Variants in SASH1 observed in about 807,000 individuals in gnomAD.
The protein encoded by SASH1 is SAM and SH3 domain containing 1, also known as SAM and SH3 domain-containing protein 1.
SASH1 carries 44 observed loss-of-function variants against 125.2 expected under a neutral mutation model. That is an observed-to-expected ratio of 0.35 (90% CI 0.28 to 0.45). The LOEUF (loss-of-function observed/expected upper bound fraction) is 0.45, where lower values mean the gene tolerates loss of function less well. Among genes scored for constraint, SASH1 ranks in the 20% least tolerant of loss-of-function variants. The pLI, the probability that SASH1 is intolerant of heterozygous loss-of-function variation, is 1.00. For synonymous variants in SASH1, 639 were observed against 649.1 expected, an observed-to-expected ratio of 0.98 and a Z score of 0.24; for missense variants, 1,426 against 1,614.5, an observed-to-expected ratio of 0.88 and a Z score of 2.00.
chr6:148,227,830 A>C, the SASH1 span, among the ~76,000 whole-genome samples: 2 of 152,132 alleles, frequency 1.3e-5, no homozygotes, highest in Non-Finnish European at 2.9e-5. Context: ...CACAATAGTT[A>C]TTGTCCACTC....
In SASH1 at chr6:148,391,112, CT is replaced by C. The variant is rs1394140807; in HGVS notation, c.285+864del. Among the ~76,000 whole-genome samples the C allele has an allele frequency of 2.0e-3, 290 of 143,254 alleles. 1 individual carries two copies. Among genetic ancestry groups the C allele is most frequent in the Middle Eastern group, 3.6e-3 (1 of 274 alleles). The allele number at this position is 143,254 out of a possible 152,430, so 94.0% of individuals were successfully genotyped here. On this transcript the variant is annotated intron_variant, in intron 2 of 19. Transcript: ENST00000367467. ...AAACTAGCCCACCACTAAAGACACT[CT>C]TTTTTTTTTTTTTGAGACGGAGTTT...
At chr6:148,434,589 T>C (rs1159608341) in intron 2 of SASH1, among the ~76,000 whole-genome samples, 1 of 152,206 alleles carries the variant, frequency 6.6e-6, no homozygotes, top group Non-Finnish European at 1.5e-5. Context: ...ATGGTTTCTT[T>C]AAGAGTTTGT....
In SASH1 at chr6:148,303,105, T is replaced by C. The variant is rs997029426; in HGVS notation, n.74+30728T>C. Among the ~76,000 whole-genome samples, 8 of 152,112 alleles carry C rather than the reference T, an allele frequency of 5.3e-5. No homozygotes were observed. The South Asian group carries it at 8.3e-4, about 16-fold the overall frequency. On this transcript the variant is annotated intron_variant and non_coding_transcript_variant, in intron 1 of 3. Coordinates refer to the SASH1 transcript ENST00000367469. ...AAGCGATTCTCCTGCCTCAGCCTCC[T>C]GAATAGCTGGGATTACAGGCACACA...
At chr6:148,362,533 CA>C (rs1348264060) in intron 1 of SASH1, among the ~76,000 whole-genome samples, 1 of 151,420 alleles carries the variant, frequency 6.6e-6, no homozygotes, top group Admixed American at 6.6e-5. Context: ...TCCTGCTTGC[CA>C]TTTTTACTAT....
chr6:148,432,678 A>G (rs911723114), intron 2 of SASH1, among the ~76,000 whole-genome samples: 5 of 151,990 alleles, frequency 3.3e-5, no homozygotes. Context: ...CAGAAGGGGG[A>G]TTTGTCCCTC....
At chr6:148,515,962 A>G (rs576525585) in intron 9 of SASH1, among the ~76,000 whole-genome samples, 41 of 152,324 alleles carry the variant, frequency 2.7e-4, no homozygotes, top group Non-Finnish European at 4.9e-4. Context: ...CCCTTCACAC[A>G]TGATAGTGGT....
At chr6:148,339,004 T>TA (rs760321688), upstream of SASH1, among the ~76,000 whole-genome samples, 31,470 of 87,340 alleles carry the variant, frequency 0.36, 5,659 homozygotes, top group East Asian at 0.47. Context: ...ACTCTGTCTT[T>TA]AAAAAAAAAA....
chr6:148,249,577 C>A, the SASH1 span, among the ~76,000 whole-genome samples: 1 of 152,130 alleles, frequency 6.6e-6, no homozygotes, highest in Non-Finnish European at 1.5e-5. Context: ...TGACCTTGAC[C>A]GATTTACCTT....
upstream of SASH1, among the ~76,000 whole-genome samples, chr6:148,269,548 A>G (rs894536941): frequency 3.9e-5 from 6 of 152,070 alleles, no homozygotes; most frequent in African/African-American, 1.4e-4. Flanking sequence ...CACCACCCCC[A>G]ACTAGTTTGT....
At chr6:148,405,945 G>A (rs1001307593) in intron 2 of SASH1, among the ~76,000 whole-genome samples, 2 of 152,214 alleles carry the variant, frequency 1.3e-5, no homozygotes, top group Non-Finnish European at 2.9e-5. Context: ...AATCGACAGT[G>A]TAATCTTTGG....
chr6:148,499,189 A>G (rs140310440), intron 8 of SASH1, among the ~76,000 whole-genome samples: 18 of 152,110 alleles, frequency 1.2e-4, no homozygotes, highest in African/African-American at 4.3e-4. Context: ...TTGGAAAGCA[A>G]TATTTTAACA....
At chr6:148,444,953 A>T (rs911454790) in intron 4 of SASH1, among the ~76,000 whole-genome samples, 3 of 152,232 alleles carry the variant, frequency 2.0e-5, no homozygotes, top group African/African-American at 7.2e-5. Flanking sequence ...AAGGGCAGGC[A>T]GTTCCCAGAA....
At chr6:148,520,125 G>C (rs745330140) in intron 10 of SASH1, 14 of 529,058 alleles carry the variant, frequency 2.6e-5, no homozygotes, top group Non-Finnish European at 4.4e-5. Flanking sequence ...CGGGAGCTGC[G>C]GCTTCCCCGG....
intron 2 of SASH1, among the ~76,000 whole-genome samples, chr6:148,426,729 A>C (rs1235309558): frequency 3.3e-5 from 5 of 152,116 alleles, no homozygotes; most frequent in Admixed American, 6.5e-5. Flanking sequence ...GATTAGATGA[A>C]AGAGGAGATG....
At chr6:148,487,090 T>G in intron 7 of SASH1, among the ~76,000 whole-genome samples, 1 of 100,708 alleles carries the variant, frequency 9.9e-6, no homozygotes, top group East Asian at 2.8e-4. Context: ...AACACATATA[T>G]ATACACACAC....
At chr6:148,458,642 T>C (rs1777466017) in intron 4 of SASH1, among the ~76,000 whole-genome samples, 2 of 152,150 alleles carry the variant, frequency 1.3e-5, no homozygotes, top group Admixed American at 1.3e-4. Flanking sequence ...CAGTTGCTGA[T>C]TCCTTTTTAT....
chr6:148,265,357 G>A, the SASH1 span, among the ~76,000 whole-genome samples: 1 of 150,392 alleles, frequency 6.6e-6, no homozygotes, highest in Non-Finnish European at 1.5e-5. Context: ...GGGAGGGAAG[G>A]AGGGACGGAG....
chr6:148,280,816 A>G (rs1448614109), intron 1 of SASH1, among the ~76,000 whole-genome samples: 3 of 152,164 alleles, frequency 2.0e-5, no homozygotes, highest in Non-Finnish European at 4.4e-5. Flanking sequence ...TCACAACAAC[A>G]ACAACAAAAG....
the SASH1 span, among the ~76,000 whole-genome samples, chr6:148,245,245 C>A: frequency 5.9e-3 from 892 of 152,276 alleles, 9 homozygotes; most frequent in African/African-American, 0.02. Context: ...TTTCCTCTCT[C>A]AAATACGGTT....
Sources: gnomAD v4.1 joint callset for allele counts (sites outside exome capture counted in the v4.1 genomes callset) on GRCh38, gnomAD v4.1.1 for gene constraint, MANE v1.5 for transcripts, NCBI Gene and HGNC (gene_info 2026-07-23, HGNC 2026-07-21) for gene names.